Variants in MLKL observed in about 807,000 individuals in gnomAD.
MLKL encodes the protein mixed lineage kinase domain-like protein.
In MLKL, 55 loss-of-function variants were observed where a neutral mutation model predicts 56.5. The observed-to-expected ratio is 0.97, with a 90% confidence interval of 0.78 to 1.22. MLKL has a LOEUF of 1.22. Among genes scored for constraint, MLKL ranks in the 50% most tolerant of loss-of-function variants. The probability of loss-of-function intolerance (pLI) is 0.00; values close to 1 mark genes in which losing one functional copy is unlikely to be tolerated. For synonymous variants in MLKL, 251 were observed against 208.3 expected (o/e 1.20, Z -1.76); for missense variants, 694 against 573.9 (o/e 1.21, Z -2.14).
intron 7 of MLKL, chr16:74,677,684 CT>C (rs370185392): frequency 5.3e-5 from 8 of 151,008 alleles, no homozygotes; most frequent in East Asian, 1.9e-4. Context: ...TTTCTTTTTT[CT>C]TTTTTTTTGG....
chr16:74,672,828 T>G (rs547359984), intron 10 of MLKL, among the ~76,000 whole-genome samples: 2 of 152,288 alleles, frequency 1.3e-5, no homozygotes, highest in East Asian at 3.9e-4. Context: ...GTAAGGGAGC[T>G]TGGTAGAAGA....
chr16:74,673,477 C>T (rs1225765084), intron 10 of MLKL, among the ~76,000 whole-genome samples: 1 of 152,088 alleles, frequency 6.6e-6, no homozygotes, highest in Non-Finnish European at 1.5e-5. Context: ...CTCAGCCTCC[C>T]AAAGTGCTGA....
rs769726228 is a variant in MLKL, at chr16:74,693,462, A to AAAAAG, written c.461-1047_461-1046insCTTTT. ...CAGCAAGACTCTGTCTCAAAAAAAA[A>AAAAAG]AAAAAAGAAAAGAAAAAAGAAAGAA... On this transcript the variant is annotated intron_variant, in intron 2 of 10. Coordinates refer to ENST00000308807, the MANE Select transcript of MLKL (RefSeq NM_152649.4). Among the ~76,000 whole-genome samples, 411 of 95,528 alleles carry AAAAAG rather than the reference A, an allele frequency of 4.3e-3. 2 individuals are homozygous for AAAAAG. The highest frequency in any genetic ancestry group is 7.6e-3 in the Non-Finnish European group (355 of 46,894). 62.7% of individuals were successfully genotyped at this position (95,528 alleles called of 152,430 possible). A position where few individuals can be genotyped will look rare whatever the true frequency, so the allele number is the denominator to read the frequency against.
intron 4 of MLKL, among the ~76,000 whole-genome samples, chr16:74,686,451 C>T (rs146751015): frequency 0.014 from 2,172 of 152,166 alleles, 58 homozygotes; most frequent in African/African-American, 0.05. Context: ...GGTGTGGTGG[C>T]GGGCGCCTGT....
At chr16:74,692,729 G>C (rs571975850) in intron 2 of MLKL, among the ~76,000 whole-genome samples, 1 of 152,366 alleles carries the variant, frequency 6.6e-6, no homozygotes, top group Admixed American at 6.5e-5. Context: ...GAAAGTTTGC[G>C]TCAACGCAGA....
chr16:74,688,049 C>A (rs913582886), intron 4 of MLKL, among the ~76,000 whole-genome samples: 6 of 152,198 alleles, frequency 3.9e-5, no homozygotes, highest in Admixed American at 2.6e-4. Context: ...TGGTCTTGAT[C>A]TCCTGACCTG....
chr16:74,694,589 ACTCT>A (rs1054292251), intron 2 of MLKL, among the ~76,000 whole-genome samples: 2 of 151,788 alleles, frequency 1.3e-5, no homozygotes, highest in African/African-American at 4.8e-5. Context: ...ACATAGTGAG[ACTCT>A]CTAACTACAA....
chr16:74,691,233 A>T, intron 4 of MLKL, 44 bp downstream of exon 4: 1 of 1,527,752 alleles, frequency 6.5e-7, no homozygotes, highest in Middle Eastern at 1.8e-4. Context: ...GGAGAGTTAG[A>T]GTAAGTATTG....
chr16:74,697,072 C>T (rs907586625), intron 1 of MLKL, among the ~76,000 whole-genome samples: 193 of 149,600 alleles, frequency 1.3e-3, no homozygotes, highest in African/African-American at 4.5e-3. Flanking sequence ...ATAAGTTAGC[C>T]TGGTGTGGTG....
chr16:74,672,934 A>G (rs1959325772), intron 10 of MLKL, among the ~76,000 whole-genome samples: 1 of 152,184 alleles, frequency 6.6e-6, no homozygotes, highest in African/African-American at 2.4e-5. Flanking sequence ...TTCAGAACAC[A>G]TCATTAAGTC....
intron 4 of MLKL, among the ~76,000 whole-genome samples, chr16:74,689,908 A>G (rs1473639508): frequency 6.6e-6 from 1 of 152,210 alleles, no homozygotes; most frequent in Admixed American, 6.5e-5. Flanking sequence ...TTAAAACCTA[A>G]ATATAAAAAA....
intron 7 of MLKL, chr16:74,677,838 C>G (rs573478589): frequency 6.6e-6 from 1 of 152,394 alleles, no homozygotes; most frequent in Non-Finnish European, 1.5e-5. Flanking sequence ...GCCACCACAC[C>G]CGGCTAATTT....
rs991250069 is a variant in MLKL at position 74,700,509 on chromosome 16, C to G, written c.-59G>C. ...CTGTCCCGTGCACAGTTCCAAAAAGCTCGCTCTTCCACCTTCTTTCCCACG... is the reference window on the plus strand; with the variant it reads ...CTGTCCCGTGCACAGTTCCAAAAAGGTCGCTCTTCCACCTTCTTTCCCACG... On this transcript the variant is annotated 5_prime_UTR_variant, in exon 1 of 11. Transcript: ENST00000308807. 1 of 152,514 alleles carries G rather than the reference C, an allele frequency of 6.6e-6. No homozygotes were observed. The highest frequency in any genetic ancestry group is 2.4e-5 in the African/African-American group (1 of 41,462). The allele number at this position is 152,514 out of a possible 1,614,324, so 9.4% of individuals were successfully genotyped here. A position where few individuals can be genotyped will look rare whatever the true frequency, so the allele number is the denominator to read the frequency against.
At chr16:74,672,627 T>C in intron 10 of MLKL, 89 bp from the exon 11 acceptor site, 1 of 1,207,070 alleles carries the variant, frequency 8.3e-7, no homozygotes, top group Non-Finnish European at 1.2e-6. Flanking sequence ...TGCACAGTCA[T>C]TTAGAAACTG....
At chr16:74,685,962 CTT>C (rs398029921) in intron 4 of MLKL, among the ~76,000 whole-genome samples, 41 of 142,094 alleles carry the variant, frequency 2.9e-4, no homozygotes, top group Admixed American at 5.0e-4. Flanking sequence ...TGGTGTGTGT[CTT>C]TTTTTTTTTT....
chr16:74,681,087 C>T (rs957981919), intron 6 of MLKL, among the ~76,000 whole-genome samples: 6 of 152,084 alleles, frequency 3.9e-5, no homozygotes, highest in East Asian at 3.9e-4. Context: ...TGCAGTGGTA[C>T]GATATCAGTT....
chr16:74,672,911 C>A (rs1959324522), intron 10 of MLKL, among the ~76,000 whole-genome samples: 1 of 152,198 alleles, frequency 6.6e-6, no homozygotes, highest in Non-Finnish European at 1.5e-5. Context: ...TCATCCACCC[C>A]AAAGACCAAT....
At position 74,673,736 on chromosome 16, in the gene MLKL, C is replaced by A. The variant is rs552630707; in HGVS notation, c.1382-1198G>T. On this transcript the variant is annotated intron_variant, in intron 10 of 10. Transcript: ENST00000308807. The stretch of plus-strand genomic sequence containing the variant: ...GGGAGGAAAAAAGGAGAAAGATAGT[C>A]AAAAATAAAACAAGAGAGAGGAAAA... 3.0e-4 allele frequency among the ~76,000 whole-genome samples: 46 copies of A among 151,586 alleles called. No homozygotes were observed. The East Asian group carries it at 3.1e-3, about 10-fold the overall frequency.
In MLKL at chr16:74,695,748, A is replaced by G. The variant is rs1206711441; in HGVS notation, c.10T>C (p.Leu4=). The change falls in exon 2 of 11, where the codon TTG becomes CTG. Residue 4 remains leucine (L), a synonymous_variant. Transcript: ENST00000308807. Reference sequence around the variant, plus strand: ...TGGCCAAGGGTGATAATATGCTTCAAATTTTCCATGCCTGGAAGAAATGAA... The same window carrying G: ...TGGCCAAGGGTGATAATATGCTTCAGATTTTCCATGCCTGGAAGAAATGAA... The part of the protein sequence containing the change: MEN[L]KHIITLGQVI... 7.6e-6 allele frequency: 12 copies of G among 1,585,874 alleles called. No individual in the cohort carries two copies. The highest frequency in any genetic ancestry group is 1.4e-5 in the African/African-American group (1 of 73,768).
Sources: allele counts gnomAD v4.1 joint callset (sites outside exome capture counted in the v4.1 genomes callset), GRCh38; gene constraint gnomAD v4.1.1; transcripts MANE v1.5; gene names NCBI Gene and HGNC (gene_info 2026-07-23, HGNC 2026-07-21).